Variants in OR52N4 observed in about 807,000 individuals in gnomAD.
OR52N4 encodes olfactory receptor family 52 subfamily N member 4.
OR52N4 carries 15 observed loss-of-function variants against 15.0 expected under a neutral mutation model. The observed-to-expected ratio is 1.00, with a 90% confidence interval of 0.67 to 1.54. The LOEUF (loss-of-function observed/expected upper bound fraction) is 1.54, where lower values mean the gene tolerates loss of function less well. Among genes scored for constraint, OR52N4 ranks in the 40% most tolerant of loss-of-function variants. The pLI is 0.00. For synonymous variants in OR52N4, 143 were observed against 143.7 expected (o/e 1.00, Z 0.03); for missense variants, 421 against 394.0 (o/e 1.07, Z -0.58).
the OR52N4 span, chr11:5,736,815 T>A: frequency 6.2e-7 from 1 of 1,613,990 alleles, no homozygotes; most frequent in Non-Finnish European, 8.5e-7. Context: ...GATGCCAAGG[T>A]TATTAGCCTC....
the OR52N4 span, among the ~76,000 whole-genome samples, chr11:5,730,036 G>A: frequency 6.7e-6 from 1 of 150,240 alleles, no homozygotes. Flanking sequence ...CATAACCTTA[G>A]TGATTTTTTT....
Position 5,755,550 on chromosome 11 carries a change from A to G in OR52N4, c.810A>G (p.Ile270Met). ...SFFSHRFGEHIIPPSCHIIVA... is the reference protein window; with the variant it reads ...SFFSHRFGEHMIPPSCHIIVA... The stretch of plus-strand genomic sequence containing the variant: ...TTTCCCACCGCTTTGGGGAACACAT[A>G]ATCCCCCCTTCTTGCCACATCATTG... Residue 270 changes from isoleucine to methionine, a missense_variant, in exon 2 of 2, where the codon ATA (isoleucine) becomes ATG (methionine). Transcript: ENST00000641350. 1 of 1,613,798 alleles carries G rather than the reference A, an allele frequency of 6.2e-7. No individual in the cohort carries two copies. Among genetic ancestry groups the G allele is most frequent in the Non-Finnish European group, 8.5e-7 (1 of 1,179,798 alleles).
At chr11:5,747,294 C>T in the OR52N4 span, among the ~76,000 whole-genome samples, 1 of 151,522 alleles carries the variant, frequency 6.6e-6, no homozygotes, top group Non-Finnish European at 1.5e-5. Context: ...AATAGACAGA[C>T]CTCCTATCTA....
the OR52N4 span, chr11:5,738,296 T>G: frequency 6.6e-6 from 1 of 152,152 alleles, no homozygotes; most frequent in African/African-American, 2.4e-5. Flanking sequence ...GACATGAGGG[T>G]TTTCACTGGA....
At chr11:5,728,299 ATTC>A in the OR52N4 span, among the ~76,000 whole-genome samples, 18 of 152,342 alleles carry the variant, frequency 1.2e-4, no homozygotes, top group South Asian at 8.3e-4. Flanking sequence ...CAGAATGGGA[ATTC>A]TTAATTATGA....
At chr11:5,749,570 T>C (rs1854146784), upstream of OR52N4, among the ~76,000 whole-genome samples, 1 of 151,956 alleles carries the variant, frequency 6.6e-6, no homozygotes, top group Non-Finnish European at 1.5e-5. Flanking sequence ...ATTTACCCAT[T>C]ACTCTTGCTT....
the OR52N4 span, chr11:5,736,738 C>A: frequency 6.8e-6 from 11 of 1,614,004 alleles, no homozygotes; most frequent in South Asian, 5.5e-5. Context: ...TCCTTGGCAT[C>A]CTCTGTATGG....
At chr11:5,732,495 T>G in the OR52N4 span, among the ~76,000 whole-genome samples, 1 of 152,218 alleles carries the variant, frequency 6.6e-6, no homozygotes, top group Non-Finnish European at 1.5e-5. Flanking sequence ...CTATGTTTCA[T>G]TAGATCTGTC....
the OR52N4 span, chr11:5,736,589 G>A: frequency 1.9e-6 from 3 of 1,613,890 alleles, no homozygotes; most frequent in Non-Finnish European, 1.7e-6. Context: ...CATCCTGCTG[G>A]GATTCCCGGG....
chr11:5,732,566 TC>T, the OR52N4 span, among the ~76,000 whole-genome samples: 1 of 152,178 alleles, frequency 6.6e-6, no homozygotes, highest in Non-Finnish European at 1.5e-5. Flanking sequence ...ATCTGTCTTT[TC>T]CTATATAGGT....
upstream of OR52N4, among the ~76,000 whole-genome samples, chr11:5,752,018 C>G (rs1164922654): frequency 6.6e-6 from 1 of 151,916 alleles, no homozygotes. Context: ...AAGGGAGCAC[C>G]AAGGAGATAG....
Position 5,755,813 on chromosome 11 carries a change from G to C in OR52N4, c.*107G>C, listed in dbSNP as rs1384510512. The C allele has an allele frequency of 1.5e-6, 2 of 1,351,316 alleles. No individual in the cohort carries two copies. The highest frequency in any genetic ancestry group is 2.0e-6 in the Non-Finnish European group (2 of 1,005,600). 83.7% of individuals were successfully genotyped at this position (1,351,316 alleles called of 1,614,324 possible). A position where few individuals can be genotyped will look rare whatever the true frequency, so the allele number is the denominator to read the frequency against. ...GGAAGCACTGTATTGATCACAAAAT[G>C]GAGTTTGTTAACTGGTGCATTCTCA... is the stretch of plus-strand genomic sequence containing the variant. On this transcript the variant is annotated 3_prime_UTR_variant, in exon 2 of 2. Transcript: ENST00000641350.
the OR52N4 span, chr11:5,726,760 C>T: frequency 6.5e-6 from 1 of 153,328 alleles, no homozygotes; most frequent in Non-Finnish European, 1.5e-5. Context: ...TACTGGCTAT[C>T]TTCTGGTGTG....
chr11:5,736,658 C>G, the OR52N4 span: 5 of 1,614,000 alleles, frequency 3.1e-6, no homozygotes, highest in East Asian at 2.2e-5. Context: ...TCTCTCAGCA[C>G]TTGCTGCAAA....
the OR52N4 span, among the ~76,000 whole-genome samples, chr11:5,739,047 T>G: frequency 1.6e-5 from 2 of 127,830 alleles, 1 homozygote; most frequent in African/African-American, 5.6e-5. Context: ...AATAATATAA[T>G]GTATCTTTCT....
chr11:5,739,156 T>C, the OR52N4 span, among the ~76,000 whole-genome samples: 5 of 127,272 alleles, frequency 3.9e-5, 2 homozygotes, highest in African/African-American at 5.6e-5. Flanking sequence ...ACTACTTTTT[T>C]TTTTTTACTA....
At chr11:5,748,216 A>G in the OR52N4 span, among the ~76,000 whole-genome samples, 3 of 151,920 alleles carry the variant, frequency 2.0e-5, no homozygotes, top group Non-Finnish European at 4.4e-5. Context: ...ATATATAGTT[A>G]ATGCATAGCA....
chr11:5,746,126 A>G, the OR52N4 span, among the ~76,000 whole-genome samples: 1 of 152,186 alleles, frequency 6.6e-6, no homozygotes, highest in East Asian at 1.9e-4. Flanking sequence ...CTGAACCTCT[A>G]TCTCTCATTA....
chr11:5,746,995 G>C, the OR52N4 span, among the ~76,000 whole-genome samples: 1 of 145,994 alleles, frequency 6.8e-6, no homozygotes, highest in Non-Finnish European at 1.5e-5. Context: ...ACTTTGGGAG[G>C]CCAAGATGGG....
Sources: gnomAD v4.1 joint callset for allele counts (sites outside exome capture counted in the v4.1 genomes callset) on GRCh38, gnomAD v4.1.1 for gene constraint, MANE v1.5 for transcripts, NCBI Gene and HGNC (gene_info 2026-07-23, HGNC 2026-07-21) for gene names.